The following B4GALT5 variants were observed in gnomAD, a reference collection of about 807,000 sequenced individuals.
B4GALT5 encodes the protein UDP-Gal:beta-GlcNAc beta-1,4-galactosyltransferase 5.
Under a neutral mutation model 45.0 loss-of-function variants are expected in B4GALT5, and 11 were observed. The ratio of observed to expected loss-of-function variants is 0.24; its 90% confidence interval spans 0.15 to 0.40. B4GALT5 has a LOEUF of 0.40. Ranked by LOEUF, B4GALT5 falls within the 10% of genes least tolerant of loss-of-function variation. The pLI is 1.00. For missense variants in B4GALT5, 337 were observed against 500.2 expected, an observed-to-expected ratio of 0.67 and a Z score of 3.11; for synonymous variants, 185 against 182.9, an observed-to-expected ratio of 1.01 and a Z score of -0.09.
At chr20:49,681,302 T>C (rs1461135209) in intron 1 of B4GALT5, among the ~76,000 whole-genome samples, 1 of 151,786 alleles carries the variant, frequency 6.6e-6, no homozygotes, top group African/African-American at 2.4e-5. Flanking sequence ...GGTTCTGTAT[T>C]TAAAATTCAC....
intron 1 of B4GALT5, among the ~76,000 whole-genome samples, chr20:49,698,150 C>A (rs1015873840): frequency 6.6e-6 from 1 of 151,992 alleles, no homozygotes; most frequent in Non-Finnish European, 1.5e-5. Flanking sequence ...GGCGAAACCC[C>A]ATCTCTAGTA....
Position 49,643,553 on chromosome 20 carries a change from C to T in B4GALT5, c.462G>A (p.Lys154=), listed in dbSNP as rs1601246802. ...DPTIKLGGHW[K]PSDCMPRWKV... ...TCCACCGAGGCATGCAATCAGAAGG[C>T]TTCCAGTGACCTCCGAGCTTGATGG... Residue 154 remains lysine, a synonymous_variant, in exon 4 of 9, where the codon AAG becomes AAA. Coordinates refer to ENST00000371711, the MANE Select transcript of B4GALT5 (RefSeq NM_004776.4). 1 of 1,614,046 alleles carries T rather than the reference C, an allele frequency of 6.2e-7. No homozygotes were observed. The highest frequency in any genetic ancestry group is 1.1e-5 in the South Asian group (1 of 91,076).
intron 1 of B4GALT5, among the ~76,000 whole-genome samples, chr20:49,657,004 A>C (rs1417949112): frequency 6.6e-6 from 1 of 152,150 alleles, no homozygotes; most frequent in African/African-American, 2.4e-5. Context: ...TAGCACTCTG[A>C]TCATCAGAAG....
chr20:49,700,211 CT>C (rs2085856003), intron 1 of B4GALT5, among the ~76,000 whole-genome samples: 1 of 152,142 alleles, frequency 6.6e-6, no homozygotes, highest in African/African-American at 2.4e-5. Context: ...AAATTGAGAC[CT>C]GTCTCAGATA....
chr20:49,705,333 G>T (rs2085879487), intron 1 of B4GALT5, among the ~76,000 whole-genome samples: 1 of 152,090 alleles, frequency 6.6e-6, no homozygotes. Context: ...AGGAAAAAAT[G>T]GTCTTAACAT....
At chr20:49,663,690 A>AAAAAAAAAAAAAAAAAAT (rs1555812124) in intron 1 of B4GALT5, among the ~76,000 whole-genome samples, 1 of 96,962 alleles carries the variant, frequency 1.0e-5, no homozygotes, top group African/African-American at 4.5e-5. Flanking sequence ...AAAAAAAAAA[A>AAAAAAAAAAAAAAAAAAT]ATATATACAT....
chr20:49,682,138 CTCAT>C (rs1351593065), intron 1 of B4GALT5, among the ~76,000 whole-genome samples: 1 of 152,188 alleles, frequency 6.6e-6, no homozygotes, highest in African/African-American at 2.4e-5. Context: ...GAATTCTCAT[CTCAT>C]TCAGAGTACA....
At chr20:49,653,665 G>GGGACTA (rs958888893) in intron 2 of B4GALT5, among the ~76,000 whole-genome samples, 3 of 152,196 alleles carry the variant, frequency 2.0e-5, no homozygotes, top group African/African-American at 7.2e-5. Flanking sequence ...GTTCTTGTGA[G>GGGACTA]GGACTACATG....
At chr20:49,643,083 T>TCA (rs1219982617) in intron 4 of B4GALT5, among the ~76,000 whole-genome samples, 1 of 152,192 alleles carries the variant, frequency 6.6e-6, no homozygotes, top group East Asian at 1.9e-4. Context: ...TCAGCTGGGG[T>TCA]CACAGCTTAA....
At chr20:49,663,681 A>AAAAAGAAG (rs1306351750) in intron 1 of B4GALT5, among the ~76,000 whole-genome samples, 1 of 85,042 alleles carries the variant, frequency 1.2e-5, no homozygotes, top group Non-Finnish European at 2.3e-5. Flanking sequence ...TCAAGAAAAA[A>AAAAAGAAG]AAAAAAAAAA....
intron 5 of B4GALT5, among the ~76,000 whole-genome samples, chr20:49,640,910 C>T (rs759860192): frequency 1.3e-5 from 2 of 152,094 alleles, no homozygotes; most frequent in African/African-American, 2.4e-5. Flanking sequence ...ATCAGGAGTT[C>T]GAGACCAGCC....
At chr20:49,669,943 T>C (rs1846314960) in intron 1 of B4GALT5, among the ~76,000 whole-genome samples, 1 of 152,232 alleles carries the variant, frequency 6.6e-6, no homozygotes, top group South Asian at 2.1e-4. Flanking sequence ...TGCTCATACC[T>C]TCTGAGCTAG....
chr20:49,669,696 C>CAAAAA (rs535974379), intron 1 of B4GALT5, among the ~76,000 whole-genome samples: 1 of 94,824 alleles, frequency 1.1e-5, no homozygotes, highest in Non-Finnish European at 2.2e-5. Context: ...AACTCCACCT[C>CAAAAA]AAAAAAAAAA....
chr20:49,675,297 A>G (rs975962915), intron 1 of B4GALT5, among the ~76,000 whole-genome samples: 1 of 152,222 alleles, frequency 6.6e-6, no homozygotes, highest in African/African-American at 2.4e-5. Context: ...CAGAAAACTC[A>G]AAGGCCTTAG....
chr20:49,659,681 C>T (rs969683323), intron 1 of B4GALT5, among the ~76,000 whole-genome samples: 1 of 152,176 alleles, frequency 6.6e-6, no homozygotes, highest in Non-Finnish European at 1.5e-5. Flanking sequence ...CCAATATCAT[C>T]GAATGCTTCC....
intron 1 of B4GALT5, among the ~76,000 whole-genome samples, chr20:49,680,062 TTCTA>T (rs2085757865): frequency 1.3e-5 from 2 of 152,236 alleles, no homozygotes; most frequent in Admixed American, 6.5e-5. Flanking sequence ...TTTTCAGGTT[TTCTA>T]TCTATTTCAA....
intron 1 of B4GALT5, among the ~76,000 whole-genome samples, chr20:49,665,893 T>C (rs923892802): frequency 5.3e-5 from 8 of 151,756 alleles, no homozygotes; most frequent in Middle Eastern, 3.2e-3. Flanking sequence ...TCAAAGAAGT[T>C]TCATATGGCT....
chr20:49,676,189 T>TAG lies in B4GALT5; in HGVS notation c.116-19489_116-19488dup, dbSNP rs551932409. ...AAAATGTACATAATACATATATATG[T>TAG]AGAGAGAGAGAGTGTGTGTGTGTGT... On this transcript the variant is annotated intron_variant, in intron 1 of 8. Coordinates refer to ENST00000371711, the MANE Select transcript of B4GALT5 (RefSeq NM_004776.4). Among the ~76,000 whole-genome samples, 319 of 151,844 alleles carry TAG rather than the reference T, an allele frequency of 2.1e-3. 3 individuals are homozygous for TAG. In the East Asian group the frequency reaches 0.04, roughly 19 times the overall value.
chr20:49,667,320 G>A (rs1337433347), intron 1 of B4GALT5, among the ~76,000 whole-genome samples: 1 of 151,404 alleles, frequency 6.6e-6, no homozygotes, highest in African/African-American at 2.4e-5. Flanking sequence ...CGCGATCTCA[G>A]CTCACTGCAG....
Sources: gnomAD v4.1 joint callset for allele counts (sites outside exome capture counted in the v4.1 genomes callset) on GRCh38, gnomAD v4.1.1 for gene constraint, MANE v1.5 for transcripts, NCBI Gene and HGNC (gene_info 2026-07-23, HGNC 2026-07-21) for gene names.